CDKN2B-AS1: variants seen among roughly 807,000 people sequenced by gnomAD.
CDKN2B-AS1 encodes the protein CDKN2B antisense RNA 1 (non-protein coding).
chr9:22,056,831 T>G (rs936223361), intron 4 of CDKN2B-AS1, among the ~76,000 whole-genome samples: 3 of 152,192 alleles, frequency 2.0e-5, no homozygotes, highest in Non-Finnish European at 2.9e-5. Flanking sequence ...AACTGTCTAC[T>G]CAACATCTTC....
At chr9:22,071,285 C>CTTTTTTTTTTTTTTTTTTTTT (rs71336509) in intron 4 of CDKN2B-AS1, among the ~76,000 whole-genome samples, 2 of 67,588 alleles carry the variant, frequency 3.0e-5, no homozygotes, top group Admixed American at 2.1e-4. Context: ...AAATATCTAG[C>CTTTTTTTTTTTTTTTTTTTTT]TTTTTTTTTT....
chr9:22,114,998 T>C (rs1036032753), intron 4 of CDKN2B-AS1, among the ~76,000 whole-genome samples: 2 of 152,216 alleles, frequency 1.3e-5, no homozygotes, highest in African/African-American at 4.8e-5. Flanking sequence ...TTGCCCCTTC[T>C]GTCTTTTCCT....
chr9:22,110,593 G>A (rs1825780850), intron 4 of CDKN2B-AS1, among the ~76,000 whole-genome samples: 3 of 152,078 alleles, frequency 2.0e-5, no homozygotes, highest in Non-Finnish European at 4.4e-5. Context: ...ATCTTGTTTA[G>A]TTTTCTCAAA....
chr9:21,994,825 A>C (rs534615105), upstream of CDKN2B-AS1: 6 of 166,884 alleles, frequency 3.6e-5, no homozygotes, highest in Admixed American at 2.6e-4. Flanking sequence ...CCCTACCAGG[A>C]ACAGCCGCGC....
chr9:22,088,271 A>T (rs956390864), intron 4 of CDKN2B-AS1, among the ~76,000 whole-genome samples: 1 of 152,192 alleles, frequency 6.6e-6, no homozygotes, highest in Non-Finnish European at 1.5e-5. Flanking sequence ...CGAATGTTGC[A>T]ATGTTTTATT....
At chr9:22,092,096 T>C (rs1825110581) in intron 4 of CDKN2B-AS1, among the ~76,000 whole-genome samples, 1 of 152,194 alleles carries the variant, frequency 6.6e-6, no homozygotes, top group African/African-American at 2.4e-5. Context: ...GTTTTTGTCG[T>C]TGGTTCTGTT....
intron 1 of CDKN2B-AS1, chr9:22,002,843 C>A: frequency 5.7e-6 from 1 of 174,634 alleles, no homozygotes. Flanking sequence ...CAGCAAAACA[C>A]CCTTTAAAAA....
intron 1 of CDKN2B-AS1, chr9:22,009,219 CG>C: frequency 1.7e-6 from 1 of 587,018 alleles, no homozygotes; most frequent in Non-Finnish European, 3.0e-6. Context: ...GCGCCTAGCG[CG>C]GACGCAGCCG....
chr9:22,060,685 A>T lies in CDKN2B-AS1; in HGVS notation n.438+4298A>T, dbSNP rs182279318. 3.3e-5 allele frequency among the ~76,000 whole-genome samples: 5 copies of T among 152,314 alleles called. No individual in the cohort carries two copies. In the East Asian group the frequency reaches 9.6e-4, roughly 29 times the overall value. On this transcript the variant is annotated intron_variant and non_coding_transcript_variant, in intron 4 of 4. Transcript: ENST00000650946. The stretch of plus-strand genomic sequence containing the variant: ...TTAGTCTGTTTTCATGCTGCTGATA[A>T]AGACATACCTGAAACTAGGAACAAA...
intron 1 of CDKN2B-AS1, among the ~76,000 whole-genome samples, chr9:22,041,026 C>A (rs1201315010): frequency 6.6e-6 from 1 of 151,980 alleles, no homozygotes; most frequent in Non-Finnish European, 1.5e-5. Flanking sequence ...TTTTCTTAGT[C>A]ACTTCTGTGG....
chr9:22,118,446 T>C (rs1280515222), intron 4 of CDKN2B-AS1: 1 of 152,136 alleles, frequency 6.6e-6, no homozygotes, highest in African/African-American at 2.4e-5. Flanking sequence ...AAGATGTCAA[T>C]AAGCCACTCG....
chr9:22,082,235 A>T (rs1423242320), intron 4 of CDKN2B-AS1, among the ~76,000 whole-genome samples: 1 of 152,202 alleles, frequency 6.6e-6, no homozygotes, highest in African/African-American at 2.4e-5. Flanking sequence ...TCTGCTAGTT[A>T]TAGCGGGTCT....
intron 3 of CDKN2B-AS1, among the ~76,000 whole-genome samples, chr9:22,055,720 G>A (rs1445878626): frequency 2.6e-5 from 4 of 152,122 alleles, no homozygotes; most frequent in Non-Finnish European, 5.9e-5. Context: ...GAAATCTAAA[G>A]GGACAAAAGA....
chr9:22,058,940 T>C, intron 4 of CDKN2B-AS1: 1 of 179,028 alleles, frequency 5.6e-6, no homozygotes, highest in Non-Finnish European at 1.1e-5. Context: ...CCATCAGATC[T>C]TATGAGACTT....
chr9:22,081,275 C>CTTTTTTT (rs36049201), intron 4 of CDKN2B-AS1, among the ~76,000 whole-genome samples: 4 of 124,516 alleles, frequency 3.2e-5, no homozygotes, highest in African/African-American at 6.0e-5. Context: ...TGTTCTTTAG[C>CTTTTTTT]TTTTTTTTTT....
chr9:22,031,119 C>T (rs1343681403), intron 1 of CDKN2B-AS1: 1 of 152,026 alleles, frequency 6.6e-6, no homozygotes, highest in Non-Finnish European at 1.5e-5. Context: ...ATTCTCAGAC[C>T]ACCTATTATG....
At chr9:22,067,107 T>C (rs1824075691) in intron 4 of CDKN2B-AS1, among the ~76,000 whole-genome samples, 1 of 152,142 alleles carries the variant, frequency 6.6e-6, no homozygotes, top group East Asian at 1.9e-4. Flanking sequence ...GAGAAATACC[T>C]AATGTAAATG....
rs1821133007 is a variant in CDKN2B-AS1, at chr9:22,005,577, G to A, written n.29+10416G>A. On this transcript the variant is annotated intron_variant and non_coding_transcript_variant, in intron 1 of 4. Coordinates refer to ENST00000650946, the Ensembl canonical transcript of CDKN2B-AS1. The surrounding 1 kb of genome is among the most constrained non-coding windows in gnomAD (Gnocchi z 4.9). The stretch of plus-strand genomic sequence containing the variant: ...CATTGGAGTGAACGCATCGACTGCC[G>A]TCACCCAAGTGCTAATCACTGCCTT... 5.0e-6 allele frequency: 2 copies of A among 398,310 alleles called. No individual in the cohort carries two copies. The highest frequency in any genetic ancestry group is 4.7e-6 in the Non-Finnish European group (1 of 214,654). 24.7% of individuals were successfully genotyped at this position (398,310 alleles called of 1,614,324 possible).
rs143086440 is a variant in CDKN2B-AS1 at position 22,082,630 on chromosome 9, G to A, written n.438+26243G>A. ...ATCGGAGCTTAAGCTTTAAGTACTGGCTAGGAAATAGTCAGAACTTTATTT... is the reference window on the plus strand; with the variant it reads ...ATCGGAGCTTAAGCTTTAAGTACTGACTAGGAAATAGTCAGAACTTTATTT... On this transcript the variant is annotated intron_variant and non_coding_transcript_variant, in intron 4 of 4. Coordinates refer to ENST00000650946, the Ensembl canonical transcript of CDKN2B-AS1. Among the ~76,000 whole-genome samples the A allele has an allele frequency of 4.0e-3, 613 of 152,304 alleles. 4 individuals are homozygous for A. The highest frequency in any genetic ancestry group is 0.012 in the African/African-American group (518 of 41,570).
Sources: gnomAD v4.1 joint callset for allele counts (sites outside exome capture counted in the v4.1 genomes callset) on GRCh38, gnomAD v4.1.1 for gene constraint, Gnocchi (gnomAD v3.1) non-coding constraint, MANE v1.5 for transcripts, NCBI Gene and HGNC (gene_info 2026-07-23, HGNC 2026-07-21) for gene names.